Variants in CD59 observed in about 807,000 individuals in gnomAD.
CD59 encodes the protein CD59 molecule (CD59 blood group).
Under a neutral mutation model 7.0 loss-of-function variants are expected in CD59, and 3 were observed. That is an observed-to-expected ratio of 0.43 (90% CI 0.19 to 1.10). CD59 has a LOEUF of 1.10. Ranked by LOEUF, CD59 falls within the 50% of genes least tolerant of loss-of-function variation. The probability of loss-of-function intolerance (pLI) is 0.29; values close to 1 mark genes in which losing one functional copy is unlikely to be tolerated. For missense variants in CD59, 143 were observed against 151.0 expected (o/e 0.95, Z 0.28); for synonymous variants, 60 against 62.0 (o/e 0.97, Z 0.15).
intron 1 of CD59, among the ~76,000 whole-genome samples, chr11:33,726,741 T>C (rs1315363550): frequency 6.6e-6 from 1 of 152,138 alleles, no homozygotes; most frequent in Non-Finnish European, 1.5e-5. Context: ...ATCCAGGAGC[T>C]GGTTTTTTGA....
chr11:33,725,310 G>T (rs1324118975), intron 1 of CD59, among the ~76,000 whole-genome samples: 1 of 147,048 alleles, frequency 6.8e-6, no homozygotes, highest in South Asian at 2.1e-4. Flanking sequence ...AAAAGAAGAT[G>T]CCCATAAGTT....
At position 33,710,379 on chromosome 11, in the gene CD59, T is replaced by G. The variant is rs1285355637; in HGVS notation, c.170-36A>C. 3 of 1,512,882 alleles carry G rather than the reference T, an allele frequency of 2.0e-6. No individual in the cohort carries two copies. The African/African-American group carries it at 4.1e-5, about 21-fold the overall frequency. 93.7% of individuals were successfully genotyped at this position (1,512,882 alleles called of 1,614,324 possible). ...ACACACACAAGGGTAAGAAAGTAAG[T>G]GGGAAGAGTTCTGTATCTGCTTTTG... On this transcript the variant is annotated intron_variant, in intron 3 of 3. Coordinates refer to ENST00000642928, the MANE Select transcript of CD59 (RefSeq NM_000611.6).
chr11:33,723,895 A>G (rs553143109), intron 1 of CD59, among the ~76,000 whole-genome samples: 2 of 152,160 alleles, frequency 1.3e-5, no homozygotes, highest in Non-Finnish European at 2.9e-5. Flanking sequence ...TAAGCATAGC[A>G]TGATCGGAGC....
intron 1 of CD59, among the ~76,000 whole-genome samples, chr11:33,731,235 A>G (rs2133573381): frequency 6.6e-6 from 1 of 151,114 alleles, no homozygotes; most frequent in South Asian, 2.1e-4. Context: ...TCAACTGTAT[A>G]TAAACATATA....
intron 3 of CD59, among the ~76,000 whole-genome samples, chr11:33,715,055 T>G (rs1853726640): frequency 6.6e-6 from 1 of 151,874 alleles, no homozygotes; most frequent in African/African-American, 2.4e-5. Flanking sequence ...GCAATTCTTC[T>G]GCCTCAGCCT....
At chr11:33,719,961 A>G (rs1186167517) in intron 2 of CD59, among the ~76,000 whole-genome samples, 1 of 152,230 alleles carries the variant, frequency 6.6e-6, no homozygotes, top group Non-Finnish European at 1.5e-5. Flanking sequence ...GTTGTTCTTG[A>G]GACTGGCCAT....
chr11:33,706,807 CT>C lies in CD59; in HGVS notation c.*3318del, dbSNP rs1251117435. 1.3e-5 allele frequency: 2 copies of C among 152,206 alleles called. No individual in the cohort carries two copies. The highest frequency in any genetic ancestry group is 3.8e-4 in the East Asian group (2 of 5,204). The allele number at this position is 152,206 out of a possible 1,614,324, so 9.4% of individuals were successfully genotyped here. ...AACTTTCCAGTAAAAAACAATTGCA[CT>C]TTGTTTTCTTTTCCAAAAAGAGGCA... On this transcript the variant is annotated 3_prime_UTR_variant, in exon 4 of 4. Transcript: ENST00000642928.
In CD59 at chr11:33,709,077, G is replaced by A. The variant is rs573195722; in HGVS notation, c.*1049C>T. The A allele has an allele frequency of 7.2e-5, 11 of 152,298 alleles. No individual in the cohort carries two copies. The South Asian group carries it at 2.3e-3, about 32-fold the overall frequency. 9.4% of individuals were successfully genotyped at this position (152,298 alleles called of 1,614,324 possible). A position where few individuals can be genotyped will look rare whatever the true frequency, so the allele number is the denominator to read the frequency against. Reference sequence around the variant, plus strand: ...GAAAGGTGTGTATCATTTTTTAGAAGAGCTTCTGAAAGCCTCAAACATCTG... The same window carrying A: ...GAAAGGTGTGTATCATTTTTTAGAAAAGCTTCTGAAAGCCTCAAACATCTG... On this transcript the variant is annotated 3_prime_UTR_variant, in exon 4 of 4. Coordinates refer to ENST00000642928, the MANE Select transcript of CD59 (RefSeq NM_000611.6).
chr11:33,711,685 A>C (rs1853567604), intron 3 of CD59, among the ~76,000 whole-genome samples: 2 of 152,210 alleles, frequency 1.3e-5, no homozygotes, highest in Admixed American at 1.3e-4. Flanking sequence ...TCTTTAAAAA[A>C]AAATGGGCAA....
At chr11:33,723,462 G>A (rs529520681) in intron 1 of CD59, among the ~76,000 whole-genome samples, 22 of 152,318 alleles carry the variant, frequency 1.4e-4, no homozygotes, top group South Asian at 6.2e-4. Flanking sequence ...GAAGTTCCAG[G>A]AAAAGGGCAG....
chr11:33,730,337 C>G (rs1854380414), intron 1 of CD59, among the ~76,000 whole-genome samples: 1 of 152,046 alleles, frequency 6.6e-6, no homozygotes, highest in South Asian at 2.1e-4. Flanking sequence ...ATTGCTTGAG[C>G]CTGGGAGGTT....
intron 3 of CD59, among the ~76,000 whole-genome samples, chr11:33,715,482 C>T (rs998784810): frequency 1.3e-5 from 2 of 152,106 alleles, no homozygotes; most frequent in Non-Finnish European, 1.5e-5. Context: ...TGCCTGTAAT[C>T]CCAATTACTC....
intron 1 of CD59, among the ~76,000 whole-genome samples, chr11:33,724,992 G>T (rs540350583): frequency 6.6e-6 from 1 of 152,200 alleles, no homozygotes; most frequent in African/African-American, 2.4e-5. Context: ...GGGCGGAGGA[G>T]GGCGGGAGGC....
rs1019212087 is a variant in CD59 at position 33,705,114 on chromosome 11, G to A, written c.*5012C>T. ...TAGGGAGTACAGAGGCCTGGAAGAT[G>A]AGGGAGCTGGGTTTAAGCCCCATCA... On this transcript the variant is annotated 3_prime_UTR_variant, in exon 4 of 4. Coordinates refer to ENST00000642928, the MANE Select transcript of CD59 (RefSeq NM_000611.6). The A allele has an allele frequency of 7.2e-5, 11 of 152,228 alleles. No homozygotes were observed. The highest frequency in any genetic ancestry group is 2.7e-4 in the African/African-American group (11 of 41,452). The allele number at this position is 152,228 out of a possible 1,614,324, so 9.4% of individuals were successfully genotyped here. A position where few individuals can be genotyped will look rare whatever the true frequency, so the allele number is the denominator to read the frequency against.
chr11:33,717,110 C>T (rs1413973313), intron 3 of CD59, among the ~76,000 whole-genome samples: 2 of 152,212 alleles, frequency 1.3e-5, no homozygotes, highest in African/African-American at 2.4e-5. Flanking sequence ...ATTCCTGAGT[C>T]GGTTACTTAA....
At chr11:33,722,010 G>A (rs577008436) in intron 2 of CD59, among the ~76,000 whole-genome samples, 1 of 151,808 alleles carries the variant, frequency 6.6e-6, no homozygotes, top group Admixed American at 6.6e-5. Context: ...AGAGCAGAAG[G>A]ACTGAGCTCA....
chr11:33,717,230 C>T (rs188234587), intron 3 of CD59, 140 bp downstream of exon 3: 29 of 691,714 alleles, frequency 4.2e-5, no homozygotes, highest in Admixed American at 1.0e-4. Context: ...GAAGAAAGTG[C>T]TTAGCCCAAT....
chr11:33,713,206 G>A (rs1476883608), intron 3 of CD59, among the ~76,000 whole-genome samples: 9 of 152,148 alleles, frequency 5.9e-5, no homozygotes, highest in Non-Finnish European at 1.3e-4. Context: ...TTAGTTGAGA[G>A]AGTGGTATTA....
chr11:33,711,362 A>G lies in CD59; in HGVS notation c.170-1019T>C, dbSNP rs919309074. The G allele has an allele frequency of 2.7e-5, 19 of 700,552 alleles. No homozygotes were observed. In the African/African-American group the frequency reaches 3.3e-4, roughly 12 times the overall value. The allele number at this position is 700,552 out of a possible 1,614,324, so 43.4% of individuals were successfully genotyped here. On this transcript the variant is annotated intron_variant, in intron 3 of 3. Coordinates refer to ENST00000642928, the MANE Select transcript of CD59 (RefSeq NM_000611.6). ...TCCAGGATATAGAAAACATTCTTAA[A>G]CTCTACAATAAAAAGACTAACCCAA...
Sources: gnomAD v4.1 joint callset for allele counts (sites outside exome capture counted in the v4.1 genomes callset) on GRCh38, gnomAD v4.1.1 for gene constraint, MANE v1.5 for transcripts, NCBI Gene and HGNC (gene_info 2026-07-23, HGNC 2026-07-21) for gene names.